Variants in DAGLB observed in about 807,000 individuals in gnomAD.
DAGLB encodes diacylglycerol lipase beta.
In DAGLB, 66 loss-of-function variants were observed where a neutral mutation model predicts 72.1. The observed-to-expected ratio is 0.92, with a 90% CI of 0.75 to 1.12. The LOEUF (loss-of-function observed/expected upper bound fraction) is 1.12. Ranked by LOEUF, DAGLB falls within the 50% of genes most tolerant of loss-of-function variation. The pLI is 0.00. For synonymous variants in DAGLB, 414 were observed against 359.5 expected, an observed-to-expected ratio of 1.15 and a Z score of -1.71; for missense variants, 1,065 against 884.9, an observed-to-expected ratio of 1.20 and a Z score of -2.58.
At chr7:6,442,768 G>A (rs994516444) in intron 2 of DAGLB, among the ~76,000 whole-genome samples, 8 of 152,134 alleles carry the variant, frequency 5.3e-5, no homozygotes, top group African/African-American at 1.9e-4. Context: ...AATACACAGA[G>A]CTAGCTGGGT....
rs1783677442 is a variant in DAGLB, at chr7:6,410,307, T to C, written c.1643A>G (p.Asp548Gly). The stretch of plus-strand genomic sequence containing the variant: ...TGTCAGGACTTCCTGGTCGCCCCCG[T>C]CCAGCTCCGTGGGCAAGTTGTTGGG... ...GNPNNLPTEL[D>G]GGDQEVLTQP... The change falls in exon 14 of 15, where the codon GAC becomes GGC. Residue 548 changes from aspartate (D) to glycine (G), a missense_variant. By Grantham distance (94) the Asp-to-Gly change is moderately conservative. Transcript: ENST00000297056. 1 of 1,613,892 alleles carries C rather than the reference T, an allele frequency of 6.2e-7. No homozygotes were observed. The highest frequency in any genetic ancestry group is 8.5e-7 in the Non-Finnish European group (1 of 1,179,982).
intron 9 of DAGLB, among the ~76,000 whole-genome samples, chr7:6,420,032 A>G (rs1784059936): frequency 6.6e-6 from 1 of 152,206 alleles, no homozygotes; most frequent in Non-Finnish European, 1.5e-5. Context: ...CTGTAATCCC[A>G]GCTACTTGGG....
intron 2 of DAGLB, among the ~76,000 whole-genome samples, chr7:6,440,615 G>A (rs570573774): frequency 5.3e-5 from 8 of 151,820 alleles, no homozygotes; most frequent in South Asian, 2.1e-4. Flanking sequence ...TAGCTATGTC[G>A]GCCGGGTGCA....
At chr7:6,430,453 A>G in intron 6 of DAGLB, 27 bp downstream of exon 6, 1 of 1,449,210 alleles carries the variant, frequency 6.9e-7, no homozygotes, top group Non-Finnish European at 9.2e-7. Flanking sequence ...AAATATGGCT[A>G]TGGAGGCTCA....
chr7:6,423,278 G>A (rs1469980255), intron 8 of DAGLB, among the ~76,000 whole-genome samples: 1 of 152,088 alleles, frequency 6.6e-6, no homozygotes, highest in African/African-American at 2.4e-5. Context: ...AAACAGACTG[G>A]GGAGATGAGA....
intron 13 of DAGLB, among the ~76,000 whole-genome samples, chr7:6,411,046 G>A (rs542275203): frequency 2.0e-5 from 3 of 152,014 alleles, no homozygotes; most frequent in Non-Finnish European, 2.9e-5. Flanking sequence ...CACCGCACCC[G>A]GCTAATTTTT....
chr7:6,437,009 G>T lies in DAGLB; in HGVS notation c.248-476C>A, dbSNP rs141847309. On this transcript the variant is annotated intron_variant, in intron 2 of 14. Coordinates refer to ENST00000297056, the MANE Select transcript of DAGLB (RefSeq NM_139179.4). ...TACTAAAAATTAAAAAATTAGCGAG[G>T]CGTGGTGGCGGGCGTCTGTAATCCT... Among the ~76,000 whole-genome samples the T allele has an allele frequency of 5.2e-3, 793 of 151,786 alleles. 7 individuals carry two copies. The highest frequency in any genetic ancestry group is 0.018 in the African/African-American group (765 of 41,362).
intron 8 of DAGLB, chr7:6,422,326 C>G (rs554092967): frequency 3.8e-6 from 1 of 263,954 alleles, no homozygotes; most frequent in Admixed American, 4.9e-5. Context: ...GCAGAGAGGA[C>G]AGGCGGCGTC....
chr7:6,431,226 G>A (rs983713649), intron 5 of DAGLB, among the ~76,000 whole-genome samples: 2 of 151,812 alleles, frequency 1.3e-5, no homozygotes, highest in African/African-American at 4.8e-5. Context: ...TGCCACACAC[G>A]AGCTGTCAAG....
At chr7:6,441,619 G>C (rs1001694727) in intron 2 of DAGLB, among the ~76,000 whole-genome samples, 4 of 140,244 alleles carry the variant, frequency 2.9e-5, no homozygotes, top group Non-Finnish European at 6.2e-5. Flanking sequence ...GGGTTTCACC[G>C]TGTTAGTCAG....
At chr7:6,435,052 A>G (rs1460147002) in intron 3 of DAGLB, 32 bp from the exon 4 acceptor site, 1 of 1,605,840 alleles carries the variant, frequency 6.2e-7, no homozygotes, top group Non-Finnish European at 8.5e-7. Flanking sequence ...AGGCTCGGTG[A>G]CTGCGGGCCC....
intron 2 of DAGLB, among the ~76,000 whole-genome samples, chr7:6,445,536 G>C (rs1784971237): frequency 6.6e-6 from 1 of 152,152 alleles, no homozygotes; most frequent in Admixed American, 6.6e-5. Context: ...TTGTGACAGA[G>C]TCTCCACTCT....
At chr7:6,436,286 C>T in intron 3 of DAGLB, 76 bp downstream of exon 3, 1 of 1,519,502 alleles carries the variant, frequency 6.6e-7, no homozygotes. Flanking sequence ...ACGCTGGACT[C>T]TCTGTCATGT....
At chr7:6,428,348 G>C (rs377263584) in intron 6 of DAGLB, among the ~76,000 whole-genome samples, 36 of 145,584 alleles carry the variant, frequency 2.5e-4, no homozygotes, top group African/African-American at 8.3e-4. Context: ...AAGAAAGAAA[G>C]AAAAAGAAAA....
intron 5 of DAGLB, among the ~76,000 whole-genome samples, chr7:6,431,911 C>G (rs1784498556): frequency 6.6e-6 from 1 of 152,160 alleles, no homozygotes; most frequent in African/African-American, 2.4e-5. Context: ...AATCAGATTC[C>G]AACCCTGCTG....
chr7:6,438,894 A>G (rs183047544), intron 2 of DAGLB, among the ~76,000 whole-genome samples: 1 of 152,028 alleles, frequency 6.6e-6, no homozygotes, highest in African/African-American at 2.4e-5. Flanking sequence ...GATGGTACTG[A>G]GAAAATCTCC....
rs768263869 is a variant in DAGLB at position 6,434,964 on chromosome 7, C to A, written c.476G>T (p.Gly159Val). The A allele has an allele frequency of 1.9e-6, 3 of 1,614,048 alleles. No individual in the cohort carries two copies. The highest frequency in any genetic ancestry group is 1.1e-5 in the South Asian group (1 of 91,080). ...AGAGGAATATGGAGCCATTTTCCCC[C>A]CAAGAGGGTCAAAGACAATGATAAT... ...VSIIIVFDPLGGKMAPYSSAG... is the reference protein window; with the variant it reads ...VSIIIVFDPLVGKMAPYSSAG... Residue 159 changes from glycine (G) to valine (V), a missense_variant, in exon 4 of 15, where the codon GGG (glycine) becomes GTG (valine). Gly to Val is a moderately radical substitution (Grantham distance 109, BLOSUM62 -3). Coordinates refer to ENST00000297056, the MANE Select transcript of DAGLB (RefSeq NM_139179.4).
intron 11 of DAGLB, among the ~76,000 whole-genome samples, chr7:6,414,063 T>A (rs903606962): frequency 6.6e-6 from 1 of 152,142 alleles, no homozygotes; most frequent in Non-Finnish European, 1.5e-5. Context: ...CAGGCTGGAG[T>A]GCAGCGGCAC....
At chr7:6,442,090 A>G (rs1173073628) in intron 2 of DAGLB, among the ~76,000 whole-genome samples, 1 of 152,002 alleles carries the variant, frequency 6.6e-6, no homozygotes, top group East Asian at 1.9e-4. Context: ...CTTCCCCAGA[A>G]CCTTCCACCA....
Sources: allele counts gnomAD v4.1 joint callset (sites outside exome capture counted in the v4.1 genomes callset), GRCh38; gene constraint gnomAD v4.1.1; transcripts MANE v1.5; gene names NCBI Gene and HGNC (gene_info 2026-07-23, HGNC 2026-07-21).